CSF2RB: variants seen among roughly 807,000 people sequenced by gnomAD.
The protein encoded by CSF2RB is colony stimulating factor 2 receptor subunit beta, also known as cytokine receptor common subunit beta.
Under a neutral mutation model 67.2 loss-of-function variants are expected in CSF2RB, and 22 were observed. The observed-to-expected ratio is 0.33, with a 90% confidence interval of 0.23 to 0.47. The LOEUF is 0.47. Among genes scored for constraint, CSF2RB ranks in the 20% least tolerant of loss-of-function variants. CSF2RB has a pLI of 1.00. For synonymous variants in CSF2RB, 507 were observed against 482.9 expected (o/e 1.05, Z -0.65); for missense variants, 1,113 against 1,174.5 (o/e 0.95, Z 0.76).
chr22:36,919,542 C>T (rs1184988646), intron 1 of CSF2RB, among the ~76,000 whole-genome samples: 1 of 151,152 alleles, frequency 6.6e-6, no homozygotes, highest in Non-Finnish European at 1.5e-5. Flanking sequence ...GTTGGGATTA[C>T]AGACGTGCGC....
chr22:36,936,801 G>T, intron 13 of CSF2RB, 149 bp downstream of exon 13: 1 of 630,936 alleles, frequency 1.6e-6, no homozygotes, highest in South Asian at 2.0e-5. Flanking sequence ...GGAGGCACCT[G>T]GGGGGGATGT....
chr22:36,938,749 AG>A lies in CSF2RB; in HGVS notation c.*249del. 2 of 567,736 alleles carry A rather than the reference AG, an allele frequency of 3.5e-6. No homozygotes were observed. The highest frequency in any genetic ancestry group is 1.9e-5 in the African/African-American group (1 of 53,680). 35.2% of individuals were successfully genotyped at this position (567,736 alleles called of 1,614,324 possible). A position where few individuals can be genotyped will look rare whatever the true frequency, so the allele number is the denominator to read the frequency against. On this transcript the variant is annotated 3_prime_UTR_variant, in exon 14 of 14. Coordinates refer to ENST00000403662, the MANE Select transcript of CSF2RB (RefSeq NM_000395.3). ...TTTCCTGTCAGGTTAACTTATTTGT[AG>A]GTTCTGCATTATTAGAACTTTCTAG... is the stretch of plus-strand genomic sequence containing the variant.
rs574299300 is a variant in CSF2RB, at chr22:36,938,555, G to T, written c.*53G>T. ...ATGGAGAGGGCTTGCCTTCCCTCCC[G>T]CCTGACCTTCCTCAGTCATTTCTGC... On this transcript the variant is annotated 3_prime_UTR_variant, in exon 14 of 14. Transcript: ENST00000403662. 1 of 1,541,276 alleles carries T rather than the reference G, an allele frequency of 6.5e-7. No individual in the cohort carries two copies. The highest frequency in any genetic ancestry group is 1.4e-5 in the African/African-American group (1 of 72,446).
intron 9 of CSF2RB, among the ~76,000 whole-genome samples, chr22:36,933,323 TC>T (rs1941196548): frequency 6.6e-6 from 1 of 152,054 alleles, no homozygotes; most frequent in Non-Finnish European, 1.5e-5. Flanking sequence ...CAGGGCTCGG[TC>T]CCCTGCCTCC....
intron 2 of CSF2RB, chr22:36,922,764 C>G (rs1248102676): frequency 3.5e-6 from 1 of 282,982 alleles, no homozygotes; most frequent in Non-Finnish European, 6.9e-6. Context: ...TCCCAGAGAC[C>G]TGGCTTCTGT....
intron 4 of CSF2RB, among the ~76,000 whole-genome samples, chr22:36,927,608 G>C (rs1327998932): frequency 6.6e-6 from 1 of 152,186 alleles, no homozygotes; most frequent in Non-Finnish European, 1.5e-5. Flanking sequence ...GTGGGAAGAA[G>C]CAGGAGACAC....
intron 1 of CSF2RB, among the ~76,000 whole-genome samples, chr22:36,920,623 C>T (rs1388980617): frequency 2.0e-5 from 3 of 152,176 alleles, no homozygotes; most frequent in East Asian, 1.9e-4. Context: ...GTTTGCACTC[C>T]GTCCTTTCCT....
chr22:36,923,360 G>C lies in CSF2RB; in HGVS notation c.193G>C (p.Val65Leu), dbSNP rs373031830. The change falls in exon 3 of 14, where the codon GTG becomes CTG. Residue 65 changes from valine (V) to leucine (L), a missense_variant. Val to Leu is a conservative substitution (Grantham distance 32). Around this residue, in one of 2 missense-constraint regions of CSF2RB, gnomAD observed 559 missense variants for 656.5 expected, o/e 0.85. Coordinates refer to ENST00000403662, the MANE Select transcript of CSF2RB (RefSeq NM_000395.3). Reference protein sequence around the residue: ...RLVNVTLIRRVNEDLLEPVSC... With the variant: ...RLVNVTLIRRLNEDLLEPVSC... ...CGTCAACGTGACCCTCATTCGCCGGGTGAATGAGTGAGTGATGCTGGGGGC... is the reference window on the plus strand; with the variant it reads ...CGTCAACGTGACCCTCATTCGCCGGCTGAATGAGTGAGTGATGCTGGGGGC... 6.2e-7 allele frequency: 1 copy of C among 1,613,686 alleles called. No homozygotes were observed. Among genetic ancestry groups the C allele is most frequent in the Non-Finnish European group, 8.5e-7 (1 of 1,179,784 alleles).
chr22:36,932,111 C>T (rs890317936), intron 8 of CSF2RB, among the ~76,000 whole-genome samples: 1 of 152,184 alleles, frequency 6.6e-6, no homozygotes, highest in Admixed American at 6.5e-5. Context: ...TGGAATAATT[C>T]ATGTAGAATA....
chr22:36,913,903 G>A (rs1332699025), intron 1 of CSF2RB, among the ~76,000 whole-genome samples: 3 of 152,106 alleles, frequency 2.0e-5, no homozygotes, highest in Non-Finnish European at 4.4e-5. Context: ...AAGCTGCTTG[G>A]GTGTTGTAGG....
chr22:36,932,843 G>A lies in CSF2RB; in HGVS notation c.1091G>A (p.Arg364Gln), dbSNP rs774793372. ...CTGCGCTGGGAAACAATGAAAATGC[G>A]ATACGAACACATAGACCACACATTT... ...YSLRWETMKM[R>Q]YEHIDHTFEI... Residue 364 changes from arginine (R) to glutamine (Q), a missense_variant, in exon 9 of 14, where the codon CGA becomes CAA. Arg to Gln is a conservative substitution (Grantham distance 43). Transcript: ENST00000403662. The A allele has an allele frequency of 2.8e-5, 45 of 1,614,094 alleles. No homozygotes were observed. Among genetic ancestry groups the A allele is most frequent in the Admixed American group, 1.3e-4 (8 of 60,010 alleles).
intron 4 of CSF2RB, among the ~76,000 whole-genome samples, chr22:36,927,816 A>G (rs1941055174): frequency 6.6e-6 from 1 of 152,152 alleles, no homozygotes; most frequent in Admixed American, 6.5e-5. Flanking sequence ...GGCCTAAAGC[A>G]CTCATTCCTA....
At chr22:36,934,674 C>T (rs1467100646) in intron 10 of CSF2RB, among the ~76,000 whole-genome samples, 5 of 152,198 alleles carry the variant, frequency 3.3e-5, no homozygotes, top group Non-Finnish European at 7.3e-5. Flanking sequence ...CCTCACCTTT[C>T]ACCACAGTGA....
intron 9 of CSF2RB, 142 bp downstream of exon 9, chr22:36,933,046 G>A: frequency 9.9e-7 from 1 of 1,007,368 alleles, no homozygotes; most frequent in Non-Finnish European, 1.5e-6. Flanking sequence ...GTGATCACTA[G>A]GCTGTGTGGT....
intron 1 of CSF2RB, among the ~76,000 whole-genome samples, chr22:36,917,663 C>A (rs1385570659): frequency 6.6e-6 from 1 of 152,170 alleles, no homozygotes; most frequent in Non-Finnish European, 1.5e-5. Context: ...GTGGCTCACG[C>A]CTGTAATCCC....
At chr22:36,930,234 C>G in intron 6 of CSF2RB, 141 bp from the exon 7 acceptor site, 1 of 1,151,716 alleles carries the variant, frequency 8.7e-7, no homozygotes, top group Non-Finnish European at 1.3e-6. Flanking sequence ...ACACAGCTGG[C>G]AGGTTCAGGC....
chr22:36,926,153 C>T lies in CSF2RB; in HGVS notation c.367C>T (p.Leu123Phe), dbSNP rs761508909. The change falls in exon 4 of 14, where the codon CTC (leucine) becomes TTC (phenylalanine). Residue 123 changes from leucine (L) to phenylalanine (F), a missense_variant. Leu to Phe is a conservative substitution (Grantham distance 22). Transcript: ENST00000403662. ...FQPDRPLGTR[L>F]TVTLTQHVQP... ...ACCAGACAGGCCTCTGGGCACCCGG[C>T]TCACCGTCACTCTGACCCAGCATGG... 1.2e-6 allele frequency: 2 copies of T among 1,614,170 alleles called. No homozygotes were observed. The highest frequency in any genetic ancestry group is 1.7e-6 in the Non-Finnish European group (2 of 1,180,038).
At position 36,922,354 on chromosome 22, in the gene CSF2RB, C is replaced by T. The variant is rs149309102; in HGVS notation, c.76+71C>T. ...GCTGCACCCTGGGGGAGGGCCGCAGCGTATCCTCAGGATCCTGCCCGCCAG... is the reference window on the plus strand; with the variant it reads ...GCTGCACCCTGGGGGAGGGCCGCAGTGTATCCTCAGGATCCTGCCCGCCAG... On this transcript the variant is annotated intron_variant, in intron 2 of 13. Transcript: ENST00000403662. 7.1e-5 allele frequency: 101 copies of T among 1,421,718 alleles called. No individual in the cohort carries two copies. In the African/African-American group the frequency reaches 1.3e-3, roughly 18 times the overall value. The allele number at this position is 1,421,718 out of a possible 1,614,324, so 88.1% of individuals were successfully genotyped here.
intron 3 of CSF2RB, 118 bp from the exon 4 acceptor site, chr22:36,925,869 T>G (rs1941003464): frequency 8.6e-7 from 1 of 1,157,512 alleles, no homozygotes; most frequent in East Asian, 2.5e-5. Context: ...TTTGTGTGTT[T>G]TATCACTGCT....
Sources: allele counts gnomAD v4.1 joint callset (sites outside exome capture counted in the v4.1 genomes callset), GRCh38; gene constraint gnomAD v4.1.1; regional missense constraint gnomAD v4.1.1; transcripts MANE v1.5; gene names NCBI Gene and HGNC (gene_info 2026-07-23, HGNC 2026-07-21).